The following IL4I1 variants were observed in gnomAD, a reference collection of about 807,000 sequenced individuals.
IL4I1 encodes L-amino-acid oxidase.
IL4I1 carries 24 observed loss-of-function variants against 29.7 expected under a neutral mutation model. The ratio of observed to expected loss-of-function variants is 0.81; its 90% CI spans 0.59 to 1.14. IL4I1 has a LOEUF of 1.14. IL4I1 is among the 50% of genes most tolerant of loss of function. The pLI is 0.00. For missense variants in IL4I1, 686 were observed against 785.6 expected (o/e 0.87, Z 1.52); for synonymous variants, 371 against 352.5 (o/e 1.05, Z -0.59).
chr19:49,915,396 A>AG (rs2075598140), intron 2 of IL4I1, among the ~76,000 whole-genome samples: 1 of 152,202 alleles, frequency 6.6e-6, no homozygotes, highest in Admixed American at 6.5e-5. Context: ...TTTGAAGATG[A>AG]GGGGGCCACA....
chr19:49,896,699 G>T, intron 1 of IL4I1, 136 bp downstream of exon 1: 1 of 393,428 alleles, frequency 2.5e-6, no homozygotes, highest in Non-Finnish European at 3.5e-6. Flanking sequence ...CTCCCAAAGT[G>T]CTGGGATTCC....
At chr19:49,911,912 C>T (rs373591440) in intron 2 of IL4I1, among the ~76,000 whole-genome samples, 8 of 152,178 alleles carry the variant, frequency 5.3e-5, no homozygotes, top group Admixed American at 1.3e-4. Flanking sequence ...CCATTCCTCC[C>T]GTTGTGGGAC....
At chr19:49,908,788 C>A in intron 2 of IL4I1, 1 of 1,613,780 alleles carries the variant, frequency 6.2e-7, no homozygotes, top group Non-Finnish European at 8.5e-7. Flanking sequence ...GCTCCAGGCT[C>A]CATTTGTTGA....
intron 2 of IL4I1, among the ~76,000 whole-genome samples, chr19:49,916,904 G>C (rs113493051): frequency 6.6e-6 from 1 of 152,304 alleles, no homozygotes; most frequent in East Asian, 1.9e-4. Context: ...CTGGGCGGCT[G>C]AGCGAGACCC....
intron 6 of IL4I1, 116 bp from the exon 7 acceptor site, chr19:49,891,223 C>T (rs919309177): frequency 4.5e-5 from 67 of 1,479,614 alleles, no homozygotes; most frequent in Non-Finnish European, 6.1e-5. Context: ...AGGATCCTGT[C>T]CCCACTCTCT....
intron 2 of IL4I1, among the ~76,000 whole-genome samples, chr19:49,926,208 CAAAAAAAAAAAA>C (rs33981121): frequency 2.4e-5 from 1 of 42,516 alleles, no homozygotes; most frequent in African/African-American, 1.0e-4. Flanking sequence ...GACTCTGTCT[CAAAAAAAAAAAA>C]AAAAAAAAAA....
chr19:49,916,319 C>T (rs1028885735), intron 2 of IL4I1, among the ~76,000 whole-genome samples: 4 of 149,432 alleles, frequency 2.7e-5, no homozygotes, highest in African/African-American at 4.9e-5. Context: ...GTCAGGAGTT[C>T]GAGACTAGCC....
At chr19:49,929,238 TAC>T (rs2076001256) in intron 1 of IL4I1, 2 of 153,564 alleles carry the variant, frequency 1.3e-5, no homozygotes, top group African/African-American at 2.4e-5. Context: ...CTCTTCTCAC[TAC>T]AGTGTCGCCG....
upstream of IL4I1, among the ~76,000 whole-genome samples, chr19:49,898,405 G>A (rs976578000): frequency 3.9e-5 from 6 of 152,208 alleles, no homozygotes; most frequent in East Asian, 1.9e-4. Context: ...TTGGGAGGCC[G>A]AGGTGGGAGG....
upstream of IL4I1, among the ~76,000 whole-genome samples, chr19:49,900,822 C>T (rs187038071): frequency 8.5e-5 from 13 of 152,156 alleles, no homozygotes; most frequent in Non-Finnish European, 1.8e-4. Flanking sequence ...TAAGGTTAAT[C>T]CTCCCAGATA....
At chr19:49,920,106 C>T (rs558662920) in intron 2 of IL4I1, among the ~76,000 whole-genome samples, 4 of 150,762 alleles carry the variant, frequency 2.7e-5, no homozygotes, top group South Asian at 2.1e-4. Flanking sequence ...TTTTTTGAGA[C>T]GGAGTCTCAC....
chr19:49,904,883 T>A (rs1038335228), intron 2 of IL4I1, among the ~76,000 whole-genome samples: 3 of 152,178 alleles, frequency 2.0e-5, no homozygotes, highest in African/African-American at 4.8e-5. Flanking sequence ...CTAATTTTTT[T>A]ATATTTTTAG....
At chr19:49,891,800 C>T (rs1263339615) in intron 5 of IL4I1, among the ~76,000 whole-genome samples, 4 of 152,184 alleles carry the variant, frequency 2.6e-5, no homozygotes, top group African/African-American at 9.6e-5. Context: ...TCCATGGAGG[C>T]AGGGATGTGG....
chr19:49,904,178 G>A (rs2075295871), intron 3 of IL4I1: 1 of 152,138 alleles, frequency 6.6e-6, no homozygotes, highest in Non-Finnish European at 1.5e-5. Flanking sequence ...GGAAAGCAAA[G>A]CAGTAAGAGC....
chr19:49,912,262 C>T (rs918575580), intron 2 of IL4I1, among the ~76,000 whole-genome samples: 7 of 151,372 alleles, frequency 4.6e-5, no homozygotes, highest in East Asian at 2.0e-4. Context: ...CTCCGCTTCC[C>T]GGGTTCAAGC....
At chr19:49,907,499 TCA>T (rs1473907975) in intron 2 of IL4I1, 1 of 441,158 alleles carries the variant, frequency 2.3e-6, no homozygotes, top group African/African-American at 2.1e-5. Context: ...AAGCACAAGC[TCA>T]CACTCGAAAA....
At chr19:49,900,753 A>G (rs2075263904), upstream of IL4I1, among the ~76,000 whole-genome samples, 1 of 152,172 alleles carries the variant, frequency 6.6e-6, no homozygotes, top group South Asian at 2.1e-4. Flanking sequence ...CCAGTCAAGT[A>G]TCTGTTGACT....
At chr19:49,890,942 C>CG (rs1189856038) in intron 7 of IL4I1, 29 bp downstream of exon 7, 2 of 535,784 alleles carry the variant, frequency 3.7e-6, no homozygotes, top group Admixed American at 4.3e-5. Flanking sequence ...CCCCGCCCCC[C>CG]CCCCCTGCCC....
rs867448495 is a variant in IL4I1 at position 49,896,039 on chromosome 19, C to A, written c.28G>T (p.Val10Phe). The A allele has an allele frequency of 5.0e-6, 8 of 1,613,722 alleles. No homozygotes were observed. The highest frequency in any genetic ancestry group is 5.9e-6 in the Non-Finnish European group (7 of 1,179,918). Residue 10 changes from valine to phenylalanine, a missense_variant, in exon 3 of 8, where the codon GTC becomes TTC. Transcript: ENST00000391826. MAPLALHLLVLVPILLSLVA... is the reference protein window; with the variant it reads MAPLALHLLFLVPILLSLVA... ...AGGCTGAGGAGGATGGGGACGAGGA[C>A]GAGGAGGTGCAGGGCTGGGAGGAGG...
Sources: allele counts gnomAD v4.1 joint callset (sites outside exome capture counted in the v4.1 genomes callset), GRCh38; gene constraint gnomAD v4.1.1; transcripts MANE v1.5; gene names NCBI Gene and HGNC (gene_info 2026-07-23, HGNC 2026-07-21).